LGSN: variants seen among roughly 807,000 people sequenced by gnomAD.
LGSN encodes lengsin.
A neutral mutation model predicts 19.5 loss-of-function variants in LGSN; 21 were observed. That is an observed-to-expected ratio of 1.07 (90% CI 0.76 to 1.55). The LOEUF (loss-of-function observed/expected upper bound fraction) is 1.55. Ranked by LOEUF, LGSN falls within the 40% of genes most tolerant of loss-of-function variation. The pLI is 0.00. For missense variants in LGSN, 673 were observed against 608.5 expected (o/e 1.11, Z -1.12); for synonymous variants, 257 against 215.6 (o/e 1.19, Z -1.68).
At chr6:63,342,454 T>G in the LGSN span, among the ~76,000 whole-genome samples, 3 of 152,224 alleles carry the variant, frequency 2.0e-5, no homozygotes, top group African/African-American at 7.2e-5. Flanking sequence ...TTGGAAATAG[T>G]CATGACACAT....
the LGSN span, among the ~76,000 whole-genome samples, chr6:63,325,203 G>A: frequency 3.2e-3 from 449 of 141,794 alleles, 3 homozygotes; most frequent in African/African-American, 0.011. Flanking sequence ...CAAACAAAAA[G>A]AACAAACCAA....
the LGSN span, among the ~76,000 whole-genome samples, chr6:63,477,974 C>G: frequency 6.6e-6 from 1 of 152,008 alleles, no homozygotes; most frequent in Non-Finnish European, 1.5e-5. Flanking sequence ...CCCTACTCAT[C>G]TTCTTCTTTT....
chr6:63,449,058 A>G, the LGSN span, among the ~76,000 whole-genome samples: 6 of 152,206 alleles, frequency 3.9e-5, no homozygotes, highest in Middle Eastern at 3.2e-3. Flanking sequence ...ATACTACGCC[A>G]TTTTATATAA....
In LGSN at chr6:63,285,639, G is replaced by A; in HGVS notation, c.278C>T (p.Thr93Ile). The A allele has an allele frequency of 1.2e-6, 2 of 1,614,130 alleles. No homozygotes were observed. The highest frequency in any genetic ancestry group is 1.7e-6 in the Non-Finnish European group (2 of 1,180,000). The part of the protein sequence containing the change: ...NRLQFVRFEA[T>I]DLHGVSRSKT... ...AGACCTGGACACGCCGTGGAGGTCT[G>A]TTGCTTCAAATCGTACAAACTGGAG... Residue 93 changes from threonine to isoleucine, a missense_variant, in exon 3 of 4, where the codon ACA becomes ATA. Thr to Ile is a moderately conservative substitution (Grantham distance 89). Coordinates refer to ENST00000370657, the MANE Select transcript of LGSN (RefSeq NM_016571.3).
chr6:63,309,703 C>T (rs59514171), intron 1 of LGSN, among the ~76,000 whole-genome samples: 5,743 of 152,240 alleles, frequency 0.038, 366 homozygotes, highest in African/African-American at 0.13. Context: ...ATACTTATCA[C>T]TTGGTGATGA....
chr6:63,297,725 T>G (rs1197804476), intron 1 of LGSN, among the ~76,000 whole-genome samples: 1 of 152,198 alleles, frequency 6.6e-6, no homozygotes, highest in African/African-American at 2.4e-5. Context: ...TTCTAGGGCC[T>G]TGACATTCTC....
At chr6:63,504,603 C>T in the LGSN span, among the ~76,000 whole-genome samples, 2 of 152,100 alleles carry the variant, frequency 1.3e-5, no homozygotes, top group African/African-American at 2.4e-5. Flanking sequence ...CCACCATGCC[C>T]GTCTAATTTT....
At chr6:63,458,727 A>G in the LGSN span, among the ~76,000 whole-genome samples, 1 of 152,238 alleles carries the variant, frequency 6.6e-6, no homozygotes, top group Non-Finnish European at 1.5e-5. Context: ...GAGAGAATGT[A>G]CTTTGGAAAC....
At chr6:63,518,410 A>G in the LGSN span, among the ~76,000 whole-genome samples, 50 of 152,182 alleles carry the variant, frequency 3.3e-4, no homozygotes, top group African/African-American at 8.9e-4. Context: ...TGATTAACTA[A>G]AAAATTATCA....
chr6:63,326,986 T>G, the LGSN span, among the ~76,000 whole-genome samples: 1 of 152,172 alleles, frequency 6.6e-6, no homozygotes, highest in East Asian at 1.9e-4. Context: ...GAGCGAGGGC[T>G]GTGAGGACTG....
At chr6:63,337,865 C>T in the LGSN span, among the ~76,000 whole-genome samples, 4 of 151,778 alleles carry the variant, frequency 2.6e-5, no homozygotes, top group South Asian at 8.3e-4. Flanking sequence ...TATAAGAACT[C>T]TGTACTATTT....
At chr6:63,361,490 C>A in the LGSN span, among the ~76,000 whole-genome samples, 2 of 152,150 alleles carry the variant, frequency 1.3e-5, no homozygotes, top group African/African-American at 4.8e-5. Context: ...GTGCCATTTG[C>A]TAAGACCATC....
the LGSN span, among the ~76,000 whole-genome samples, chr6:63,336,528 T>C: frequency 3.8e-5 from 5 of 131,254 alleles, no homozygotes; most frequent in African/African-American, 1.7e-4. Context: ...TCTGTGTGTG[T>C]GTGTGTGTGT....
chr6:63,493,218 G>T, the LGSN span, among the ~76,000 whole-genome samples: 1 of 152,124 alleles, frequency 6.6e-6, no homozygotes, highest in African/African-American at 2.4e-5. Context: ...CAAAGACCCC[G>T]GGTTGGTTTA....
At chr6:63,422,611 A>C in the LGSN span, among the ~76,000 whole-genome samples, 1 of 152,224 alleles carries the variant, frequency 6.6e-6, no homozygotes, top group African/African-American at 2.4e-5. Context: ...GACTGAGATA[A>C]GTTATGTATA....
At chr6:63,285,550 A>G (rs754153001) in intron 3 of LGSN, 37 bp downstream of exon 3, 5 of 1,538,144 alleles carry the variant, frequency 3.3e-6, no homozygotes, top group African/African-American at 2.7e-5. Flanking sequence ...GCTAATGGTC[A>G]TGAAATTACA....
chr6:63,544,988 A>G, the LGSN span, among the ~76,000 whole-genome samples: 1 of 152,162 alleles, frequency 6.6e-6, no homozygotes, highest in African/African-American at 2.4e-5. Context: ...TTTATCATCC[A>G]CTGATGATTC....
the LGSN span, among the ~76,000 whole-genome samples, chr6:63,505,591 A>AAGAAAGAG: frequency 2.2e-5 from 3 of 133,458 alleles, 1 homozygote; most frequent in African/African-American, 8.2e-5. Context: ...GAAAGAAAGA[A>AAGAAAGAG]AGAAAGAAAG....
the LGSN span, among the ~76,000 whole-genome samples, chr6:63,406,783 A>T: frequency 6.6e-6 from 1 of 151,880 alleles, no homozygotes; most frequent in East Asian, 1.9e-4. Context: ...ACTGCTAGCA[A>T]GACTAATAAA....
Sources: gnomAD v4.1 joint callset for allele counts (sites outside exome capture counted in the v4.1 genomes callset) on GRCh38, gnomAD v4.1.1 for gene constraint, MANE v1.5 for transcripts, NCBI Gene and HGNC (gene_info 2026-07-23, HGNC 2026-07-21) for gene names.